The following CDC42 variants were observed in gnomAD, a reference collection of about 807,000 sequenced individuals.
CDC42 encodes cell division control protein 42 homolog.
In CDC42, 1 loss-of-function variant was observed where a neutral mutation model predicts 20.8. The observed-to-expected ratio is 0.05, with a 90% CI of 0.02 to 0.23. The LOEUF (loss-of-function observed/expected upper bound fraction) is 0.23, where lower values mean the gene tolerates loss of function less well. Among genes scored for constraint, CDC42 ranks in the 10% least tolerant of loss-of-function variants. The probability of loss-of-function intolerance (pLI) is 1.00; values close to 1 mark genes in which losing one functional copy is unlikely to be tolerated. For synonymous variants in CDC42, 72 were observed against 84.8 expected, an observed-to-expected ratio of 0.85 and a Z score of 0.83; for missense variants, 49 against 227.9, an observed-to-expected ratio of 0.21 and a Z score of 5.05.
chr1:22,063,821 A>G (rs1366349470), intron 1 of CDC42, among the ~76,000 whole-genome samples: 2 of 152,138 alleles, frequency 1.3e-5, no homozygotes, highest in African/African-American at 4.8e-5. Context: ...CCCGGGTTCA[A>G]GTGATTCTTG....
rs1194767582 is a variant in CDC42, at chr1:22,072,090, CCTTTT to C, written c.-50-6338_-50-6334del. On this transcript the variant is annotated intron_variant, in intron 1 of 5. Coordinates refer to ENST00000656825, the MANE Select transcript of CDC42 (RefSeq NM_001791.4). ...AGAACTCAGGAAAACGTTTTACTTA[CCTTTT>C]TTTTTTTTTTTTTTTTTTTTGGGAT... Among the ~76,000 whole-genome samples, 375 of 106,698 alleles carry C rather than the reference CCTTTT, an allele frequency of 3.5e-3. 1 individual carries two copies. Among genetic ancestry groups the C allele is most frequent in the Non-Finnish European group, 5.3e-3 (288 of 53,878 alleles). The allele number at this position is 106,698 out of a possible 152,430, so 70.0% of individuals were successfully genotyped here. A position where few individuals can be genotyped will look rare whatever the true frequency, so the allele number is the denominator to read the frequency against.
rs1385914311 is a variant in CDC42, at chr1:22,092,157, T to C, written c.*640T>C. On this transcript the variant is annotated 3_prime_UTR_variant, in exon 6 of 6. Transcript: ENST00000656825. ...TAATAACATACTCCTTTTTGAAAGT[T>C]GCCTTTTCTCTCCACCCTTGAGTAG... The C allele has an allele frequency of 4.6e-5, 7 of 152,556 alleles. No homozygotes were observed. Among genetic ancestry groups the C allele is most frequent in the Admixed American group, 4.6e-4 (7 of 15,274 alleles). The allele number at this position is 152,556 out of a possible 1,614,324, so 9.5% of individuals were successfully genotyped here.
rs546619309 is a variant in CDC42 at position 22,093,823 on chromosome 1, C to G, written c.*2306C>G. Among the ~76,000 whole-genome samples, 8 of 152,298 alleles carry G rather than the reference C, an allele frequency of 5.3e-5. No homozygotes were observed. Among genetic ancestry groups the G allele is most frequent in the African/African-American group, 1.9e-4 (8 of 41,554 alleles). On this transcript the variant is annotated 3_prime_UTR_variant, in exon 6 of 6. Coordinates refer to ENST00000656825, the MANE Select transcript of CDC42 (RefSeq NM_001791.4). ...TAGTCAGGGGCGTATAGGTCCTTGA[C>G]TATTGCTATATCTTTGTCCTAAAGC...
At chr1:22,091,021 C>T (rs1319261606) in intron 5 of CDC42, among the ~76,000 whole-genome samples, 4 of 152,200 alleles carry the variant, frequency 2.6e-5, no homozygotes, top group Non-Finnish European at 4.4e-5. Flanking sequence ...GACCCGTGCC[C>T]GTCCTCTCAG....
At chr1:22,070,170 C>T (rs1175512607) in intron 1 of CDC42, among the ~76,000 whole-genome samples, 1 of 152,168 alleles carries the variant, frequency 6.6e-6, no homozygotes, top group Non-Finnish European at 1.5e-5. Context: ...CAAAGACTTC[C>T]CCCACATCTA....
At chr1:22,091,070 A>T (rs1301460513) in intron 5 of CDC42, among the ~76,000 whole-genome samples, 3 of 152,218 alleles carry the variant, frequency 2.0e-5, no homozygotes, top group African/African-American at 7.2e-5. Context: ...TTGAATGCAG[A>T]GCTGCTTCCC....
intron 1 of CDC42, among the ~76,000 whole-genome samples, chr1:22,061,677 G>A (rs991603123): frequency 2.7e-5 from 4 of 147,278 alleles, no homozygotes; most frequent in African/African-American, 7.5e-5. Context: ...CTGAGTAGCT[G>A]GGATTACAGG....
chr1:22,074,457 T>C (rs759626692), intron 1 of CDC42, among the ~76,000 whole-genome samples: 23 of 152,192 alleles, frequency 1.5e-4, no homozygotes, highest in African/African-American at 5.3e-4. Flanking sequence ...CATTATTTAA[T>C]AGGAGATTAA....
chr1:22,061,849 C>T (rs995248266), intron 1 of CDC42, among the ~76,000 whole-genome samples: 1 of 152,006 alleles, frequency 6.6e-6, no homozygotes. Flanking sequence ...GCGTGAGCCA[C>T]TGCGCCCGGC....
intron 1 of CDC42, among the ~76,000 whole-genome samples, chr1:22,060,181 A>G (rs1413009943): frequency 6.6e-6 from 1 of 152,000 alleles, no homozygotes; most frequent in Non-Finnish European, 1.5e-5. Context: ...GTCTTTACTA[A>G]AAATACAAAA....
intron 1 of CDC42, among the ~76,000 whole-genome samples, chr1:22,071,449 T>G (rs1235001381): frequency 6.6e-6 from 1 of 152,224 alleles, no homozygotes; most frequent in Non-Finnish European, 1.5e-5. Flanking sequence ...AGACAGTTTG[T>G]TAGCACACTT....
chr1:22,089,635 T>C (rs746226146), intron 5 of CDC42, among the ~76,000 whole-genome samples: 14 of 152,246 alleles, frequency 9.2e-5, no homozygotes, highest in Non-Finnish European at 2.1e-4. Context: ...CCTTCAGTTA[T>C]TCAGGGGCTG....
intron 1 of CDC42, chr1:22,063,873 A>G (rs1230013404): frequency 6.6e-6 from 1 of 152,076 alleles, no homozygotes; most frequent in Non-Finnish European, 1.5e-5. Context: ...GGTGCGAGCC[A>G]CCACACCGGC....
At chr1:22,083,440 TAA>T in intron 3 of CDC42, among the ~76,000 whole-genome samples, 1 of 151,518 alleles carries the variant, frequency 6.6e-6, no homozygotes, top group South Asian at 2.1e-4. Context: ...CCATCTCTAC[TAA>T]AAATACAAAA....
rs1645780464 is a variant in CDC42 at position 22,100,026 on chromosome 1, CTTCTT to C, written c.*8512_*8516del. Among the ~76,000 whole-genome samples, 3 of 57,578 alleles carry C rather than the reference CTTCTT, an allele frequency of 5.2e-5. No homozygotes were observed. The highest frequency in any genetic ancestry group is 1.0e-4 in the Non-Finnish European group (3 of 29,436). 37.8% of individuals were successfully genotyped at this position (57,578 alleles called of 152,430 possible). ...CCTTTTTTTCTTTCTTCTTCTTCTT[CTTCTT>C]TTTTTTTTTTTTTGTATAATAGGCC... On this transcript the variant is annotated 3_prime_UTR_variant, in exon 6 of 6. Transcript: ENST00000656825.
intron 1 of CDC42, 78 bp from the exon 2 acceptor site, chr1:22,078,351 G>A: frequency 3.2e-6 from 2 of 618,676 alleles, no homozygotes; most frequent in African/African-American, 1.9e-5. Flanking sequence ...TGCTCTGAGT[G>A]CCTGAACCTG....
intron 1 of CDC42, chr1:22,064,152 A>G (rs1365728341): frequency 6.6e-6 from 1 of 151,254 alleles, no homozygotes; most frequent in African/African-American, 2.4e-5. Flanking sequence ...TTCTTTTTGG[A>G]TAAATTACCT....
At chr1:22,054,352 A>G (rs1000683470) in intron 1 of CDC42, among the ~76,000 whole-genome samples, 1 of 151,996 alleles carries the variant, frequency 6.6e-6, no homozygotes, top group East Asian at 1.9e-4. Flanking sequence ...AGTAGCTGGT[A>G]CTGCAGGCAT....
chr1:22,093,896 T>C lies in CDC42; in HGVS notation c.*2379T>C, dbSNP rs555129709. ...TAGAAGTAGTCATTGGATGGGTATA[T>C]TATTTTATAAATGAGTAAGTGAAAT... On this transcript the variant is annotated 3_prime_UTR_variant, in exon 6 of 6. Coordinates refer to ENST00000656825, the MANE Select transcript of CDC42 (RefSeq NM_001791.4). 2.6e-5 allele frequency among the ~76,000 whole-genome samples: 4 copies of C among 152,320 alleles called. No homozygotes were observed. Among genetic ancestry groups the C allele is most frequent in the Non-Finnish European group, 5.9e-5 (4 of 68,022 alleles).
Sources: allele counts gnomAD v4.1 joint callset (sites outside exome capture counted in the v4.1 genomes callset), GRCh38; gene constraint gnomAD v4.1.1; transcripts MANE v1.5; gene names NCBI Gene and HGNC (gene_info 2026-07-23, HGNC 2026-07-21).